PPP1CB: variants seen among roughly 807,000 people sequenced by gnomAD.
PPP1CB encodes the protein protein phosphatase 1 catalytic subunit beta, also known as serine/threonine-protein phosphatase PP1-beta catalytic subunit.
PPP1CB carries 2 observed loss-of-function variants against 43.7 expected under a neutral mutation model. That is an observed-to-expected ratio of 0.05 (90% CI 0.02 to 0.14). The LOEUF is 0.14. PPP1CB is among the 10% of genes least tolerant of loss of function. PPP1CB has a pLI of 1.00. For synonymous variants in PPP1CB, 136 were observed against 135.6 expected (o/e 1.00, Z -0.02); for missense variants, 84 against 398.0 (o/e 0.21, Z 6.71).
chr2:28,798,781 T>A (rs562170075), intron 7 of PPP1CB, among the ~76,000 whole-genome samples: 66 of 152,192 alleles, frequency 4.3e-4, no homozygotes, highest in African/African-American at 1.4e-3. Flanking sequence ...TAAAGCTGTT[T>A]TTTAAGTAAA....
At chr2:28,754,521 T>G (rs1425756428) in intron 1 of PPP1CB, among the ~76,000 whole-genome samples, 5 of 152,174 alleles carry the variant, frequency 3.3e-5, no homozygotes, top group Admixed American at 2.6e-4. Flanking sequence ...CAGCCTCCTC[T>G]CTGTCCTATG....
At position 28,756,684 on chromosome 2, in the gene PPP1CB, A is replaced by G. The variant is rs551473140; in HGVS notation, c.52+4508A>G. On this transcript the variant is annotated intron_variant, in intron 1 of 7. Transcript: ENST00000395366. ...ATTTTGGTAGAGACGGGGTCTCCCTATGTTGGTTGCCCAGTCTGGTCTTGA... is the reference window on the plus strand; with the variant it reads ...ATTTTGGTAGAGACGGGGTCTCCCTGTGTTGGTTGCCCAGTCTGGTCTTGA... 6.6e-5 allele frequency among the ~76,000 whole-genome samples: 10 copies of G among 152,162 alleles called. No individual in the cohort carries two copies. The South Asian group carries it at 8.3e-4, about 13-fold the overall frequency.
intron 6 of PPP1CB, among the ~76,000 whole-genome samples, chr2:28,789,773 A>G (rs1420180137): frequency 1.3e-5 from 2 of 151,152 alleles, no homozygotes; most frequent in African/African-American, 4.9e-5. Flanking sequence ...TCATTTTTGT[A>G]TTTTTAGTAG....
rs1166990233 is a variant in PPP1CB, at chr2:28,788,816, A to G, written c.744+7A>G. The G allele has an allele frequency of 6.3e-7, 1 of 1,581,614 alleles. No individual in the cohort carries two copies. The highest frequency in any genetic ancestry group is 1.2e-5 in the South Asian group (1 of 85,112). On this transcript the variant is annotated splice_region_variant and intron_variant, in intron 6 of 7. Transcript: ENST00000395366. ...GATTTGTCGAGCTCATCAGGTATGA[A>G]ATATAAAACTCTTAAGCTTTTTCTT... is the stretch of plus-strand genomic sequence containing the variant.
Position 28,761,387 on chromosome 2 carries a change from G to T in PPP1CB, c.52+9211G>T, listed in dbSNP as rs12467055. ...ATATTAATAAGTATTGATACATTGG[G>T]ATGCCATCTTATATAATGATTAACG... On this transcript the variant is annotated intron_variant, in intron 1 of 7. Transcript: ENST00000395366. Among the ~76,000 whole-genome samples, 678 of 152,300 alleles carry T rather than the reference G, an allele frequency of 4.5e-3. 14 individuals are homozygous for T. Among genetic ancestry groups the T allele is most frequent in the Admixed American group, 0.025 (387 of 15,296 alleles).
At chr2:28,785,987 ATGCTGAAAAC>A (rs1558308016) in intron 5 of PPP1CB, among the ~76,000 whole-genome samples, 1 of 152,142 alleles carries the variant, frequency 6.6e-6, no homozygotes, top group Non-Finnish European at 1.5e-5. Flanking sequence ...AGTTTTCAAG[ATGCTGAAAAC>A]AGTTATTTTG....
chr2:28,786,150 G>A (rs975765012), intron 5 of PPP1CB, among the ~76,000 whole-genome samples: 3 of 152,038 alleles, frequency 2.0e-5, no homozygotes, highest in African/African-American at 7.2e-5. Flanking sequence ...TTTCACTCTT[G>A]TCGCCCAGGC....
intron 4 of PPP1CB, chr2:28,782,612 CTAGTT>C (rs1176148733): frequency 2.6e-5 from 4 of 152,090 alleles, no homozygotes; most frequent in African/African-American, 9.7e-5. Flanking sequence ...TCTTTGTTGT[CTAGTT>C]TAGGGAATGT....
At position 28,779,011 on chromosome 2, in the gene PPP1CB, C is replaced by T; in HGVS notation, c.387C>T (p.Ile129=). 6.3e-7 allele frequency: 1 copy of T among 1,599,078 alleles called. No homozygotes were observed. The highest frequency in any genetic ancestry group is 1.7e-5 in the Admixed American group (1 of 59,822). The change falls in exon 3 of 8, where the codon ATC becomes ATT. Residue 129 remains isoleucine (I), a synonymous_variant. Coordinates refer to ENST00000395366, the MANE Select transcript of PPP1CB (RefSeq NM_002709.3). ...GAGGAAACCATGAGTGTGCTAGCAT[C>T]AATCGCATTTATGGATTCTATGATG... ...LLRGNHECAS[I]NRIYGFYDEC... is the part of the protein sequence containing the mutation.
At chr2:28,753,797 G>C (rs895636732) in intron 1 of PPP1CB, among the ~76,000 whole-genome samples, 5 of 151,884 alleles carry the variant, frequency 3.3e-5, no homozygotes, top group Non-Finnish European at 5.9e-5. Context: ...GCAATGGCAC[G>C]GTCTCAGCTC....
At chr2:28,752,200 A>T (rs908471730) in intron 1 of PPP1CB, 24 bp downstream of exon 1, 6 of 1,530,038 alleles carry the variant, frequency 3.9e-6, no homozygotes, top group Non-Finnish European at 5.3e-6. Context: ...TGGCCGCGGG[A>T]CAGAGGGAGG....
intron 7 of PPP1CB, among the ~76,000 whole-genome samples, chr2:28,798,981 T>A (rs1667552846): frequency 6.6e-6 from 1 of 151,998 alleles, no homozygotes. Context: ...AAGGATTGGA[T>A]AGTTGATAGA....
chr2:28,789,057 G>A (rs1371239370), intron 6 of PPP1CB, among the ~76,000 whole-genome samples: 1 of 152,000 alleles, frequency 6.6e-6, no homozygotes, highest in African/African-American at 2.4e-5. Context: ...CTTCACATAA[G>A]CCCTCTCATT....
chr2:28,785,167 C>T (rs1400947617), intron 5 of PPP1CB, among the ~76,000 whole-genome samples: 1 of 144,976 alleles, frequency 6.9e-6, no homozygotes, highest in African/African-American at 2.5e-5. Flanking sequence ...CTCTGCATCC[C>T]GGGTTCAAGT....
At chr2:28,764,203 G>GT (rs1365437667) in intron 1 of PPP1CB, among the ~76,000 whole-genome samples, 2 of 151,812 alleles carry the variant, frequency 1.3e-5, no homozygotes, top group African/African-American at 4.8e-5. Context: ...GCTCACGCCT[G>GT]TAATCCCAGC....
At chr2:28,780,243 G>T (rs553561458) in intron 3 of PPP1CB, among the ~76,000 whole-genome samples, 1 of 151,836 alleles carries the variant, frequency 6.6e-6, no homozygotes, top group Admixed American at 6.6e-5. Flanking sequence ...CATGTACCAC[G>T]TTCCCTGGCT....
chr2:28,801,752 G>A lies in PPP1CB; in HGVS notation c.*2449G>A, dbSNP rs1244325005. 1 of 151,978 alleles carries A rather than the reference G, an allele frequency of 6.6e-6. No homozygotes were observed. The highest frequency in any genetic ancestry group is 1.5e-5 in the Non-Finnish European group (1 of 67,980). 9.4% of individuals were successfully genotyped at this position (151,978 alleles called of 1,614,324 possible). A position where few individuals can be genotyped will look rare whatever the true frequency, so the allele number is the denominator to read the frequency against. ...GTATACAATTTAATCCAAATGTTAT[G>A]ACATTCAGAAATCATGAAACACAGT... On this transcript the variant is annotated 3_prime_UTR_variant, in exon 8 of 8. Coordinates refer to ENST00000395366, the MANE Select transcript of PPP1CB (RefSeq NM_002709.3).
At position 28,754,031 on chromosome 2, in the gene PPP1CB, C is replaced by T. The variant is rs144895454; in HGVS notation, c.52+1855C>T. 5.1e-3 allele frequency among the ~76,000 whole-genome samples: 768 copies of T among 151,968 alleles called. 8 individuals carry two copies. The highest frequency in any genetic ancestry group is 0.018 in the African/African-American group (731 of 41,442). On this transcript the variant is annotated intron_variant, in intron 1 of 7. Transcript: ENST00000395366. ...GATTACAGGCGTGAGCCATCGCGCC[C>T]GGCATATTTTTATATATTTTAAACT...
intron 1 of PPP1CB, among the ~76,000 whole-genome samples, chr2:28,755,584 T>G (rs747264944): frequency 3.0e-4 from 45 of 152,238 alleles, no homozygotes; most frequent in Admixed American, 2.7e-3. Flanking sequence ...CTAGTTTGTA[T>G]GAGTATTCTG....
Sources: allele counts gnomAD v4.1 joint callset (sites outside exome capture counted in the v4.1 genomes callset), GRCh38; gene constraint gnomAD v4.1.1; transcripts MANE v1.5; gene names NCBI Gene and HGNC (gene_info 2026-07-23, HGNC 2026-07-21).